The following RASAL1 variants were observed in gnomAD, a reference collection of about 807,000 sequenced individuals.
RASAL1 encodes rasGAP-activating-like protein 1.
Under a neutral mutation model 96.6 loss-of-function variants are expected in RASAL1, and 72 were observed. That is an observed-to-expected ratio of 0.75 (90% CI 0.62 to 0.91). The LOEUF (loss-of-function observed/expected upper bound fraction) is 0.91. Among genes scored for constraint, RASAL1 ranks in the 40% least tolerant of loss-of-function variants. RASAL1 has a pLI of 0.00. For synonymous variants in RASAL1, 405 were observed against 430.4 expected, an observed-to-expected ratio of 0.94 and a Z score of 0.73; for missense variants, 1,016 against 1,072.5, an observed-to-expected ratio of 0.95 and a Z score of 0.74.
At chr12:113,126,688 T>TCTCACACA (rs372157451) in intron 4 of RASAL1, among the ~76,000 whole-genome samples, 13 of 139,014 alleles carry the variant, frequency 9.4e-5, no homozygotes, top group East Asian at 4.1e-4. Context: ...TCTCTCTCTC[T>TCTCACACA]CACACACACA....
rs945121175 is a variant in RASAL1, at chr12:113,115,184, G to A, written c.1068+16C>T. On this transcript the variant is annotated intron_variant, in intron 11 of 20. Transcript: ENST00000548055. This position sits in a 1 kb window ranked among gnomAD's most constrained non-coding sequence, Gnocchi z 4.1. ...GAGGAAGCTGCGCCTGGTCCCGCAGGCCTTCACCTACTCACCTTCATAAAC... is the reference window on the plus strand; with the variant it reads ...GAGGAAGCTGCGCCTGGTCCCGCAGACCTTCACCTACTCACCTTCATAAAC... 1.2e-6 allele frequency: 2 copies of A among 1,607,578 alleles called. No homozygotes were observed. The highest frequency in any genetic ancestry group is 1.3e-5 in the African/African-American group (1 of 74,854).
chr12:113,115,641 G>C lies in RASAL1; in HGVS notation c.997C>G (p.Arg333Gly). ...GGTTGTGCGGGCAACTCACTGGTCCGAGCCACCTCACGCCGGGTGAGATAG... is the reference window on the plus strand; with the variant it reads ...GGTTGTGCGGGCAACTCACTGGTCCCAGCCACCTCACGCCGGGTGAGATAG... The part of the protein sequence containing the change: ...LDYLTRREVA[R>G]TMDPNTLFRS... The change falls in exon 10 of 21, where the codon CGG (arginine) becomes GGG (glycine). Residue 333 changes from arginine to glycine, a missense_variant. Coordinates refer to ENST00000548055, the MANE Select transcript of RASAL1 (RefSeq NM_001301202.2). The surrounding 1 kb of genome is among the most constrained non-coding windows in gnomAD (Gnocchi z 4.1). 1.2e-6 allele frequency: 2 copies of C among 1,613,104 alleles called. No individual in the cohort carries two copies. Among genetic ancestry groups the C allele is most frequent in the Non-Finnish European group, 1.7e-6 (2 of 1,179,946 alleles).
In RASAL1 at chr12:113,135,576, G is replaced by A. The variant is rs1241410346; in HGVS notation, c.-114C>T. Reference sequence around the variant, plus strand: ...TGGCTCCCTGCCTCGTGGTCCCAGTGCCGCCTGTCCGAGACCCGGGTAGCT... The same window carrying A: ...TGGCTCCCTGCCTCGTGGTCCCAGTACCGCCTGTCCGAGACCCGGGTAGCT... On this transcript the variant is annotated 5_prime_UTR_variant, in exon 1 of 21. Transcript: ENST00000548055. The surrounding 1 kb of genome is among the most constrained non-coding windows in gnomAD (Gnocchi z 5.7). 3.3e-6 allele frequency: 3 copies of A among 902,480 alleles called. No individual in the cohort carries two copies. The Admixed American group carries it at 6.8e-5, about 21-fold the overall frequency. 55.9% of individuals were successfully genotyped at this position (902,480 alleles called of 1,614,324 possible).
Position 113,115,596 on chromosome 12 carries a change from T to C in RASAL1, c.1003+39A>G. 1 of 1,603,266 alleles carries C rather than the reference T, an allele frequency of 6.2e-7. No homozygotes were observed. Among genetic ancestry groups the C allele is most frequent in the Non-Finnish European group, 8.5e-7 (1 of 1,174,218 alleles). ...CCAGGACCCTCCTGCAAGCCCACCA[T>C]TGAGGGCGGTGATGTCGGGGGTTGT... is the stretch of plus-strand genomic sequence containing the variant. On this transcript the variant is annotated intron_variant, in intron 10 of 20. Transcript: ENST00000548055. This position sits in a 1 kb window ranked among gnomAD's most constrained non-coding sequence, Gnocchi z 4.1.
At chr12:113,112,954 AAAAT>A (rs3038168) in intron 12 of RASAL1, among the ~76,000 whole-genome samples, 2 of 149,498 alleles carry the variant, frequency 1.3e-5, no homozygotes, top group African/African-American at 2.5e-5. Flanking sequence ...TCCATCTCAA[AAAAT>A]AAATAAATAA....
Position 113,118,822 on chromosome 12 carries a change from G to A in RASAL1, c.642+306C>T, listed in dbSNP as rs1386009009. On this transcript the variant is annotated intron_variant, in intron 7 of 20. Coordinates refer to ENST00000548055, the MANE Select transcript of RASAL1 (RefSeq NM_001301202.2). ...AGGGTAGCCATGAAGGTTAAGTAATGAGGCTCTGTGGGAGGGACACTCAGC... is the reference window on the plus strand; with the variant it reads ...AGGGTAGCCATGAAGGTTAAGTAATAAGGCTCTGTGGGAGGGACACTCAGC... Among the ~76,000 whole-genome samples, 3 of 152,182 alleles carry A rather than the reference G, an allele frequency of 2.0e-5. No homozygotes were observed. The East Asian group carries it at 5.8e-4, about 29-fold the overall frequency.
rs370426676 is a variant in RASAL1, at chr12:113,108,828, T to C, written c.1375-606A>G. Among the ~76,000 whole-genome samples, 904 of 120,814 alleles carry C rather than the reference T, an allele frequency of 7.5e-3. 5 individuals are homozygous for C. The highest frequency in any genetic ancestry group is 0.027 in the African/African-American group (865 of 32,452). The allele number at this position is 120,814 out of a possible 152,430, so 79.3% of individuals were successfully genotyped here. Reference sequence around the variant, plus strand: ...GCAGGATTTGATTATTTTTCTTTTTTTTTTCTTTCTTTTTTTTTTTTTTTG... The same window carrying C: ...GCAGGATTTGATTATTTTTCTTTTTCTTTTCTTTCTTTTTTTTTTTTTTTG... On this transcript the variant is annotated intron_variant, in intron 13 of 20. Coordinates refer to ENST00000548055, the MANE Select transcript of RASAL1 (RefSeq NM_001301202.2).
At chr12:113,104,413 A>G (rs1592886251) in intron 16 of RASAL1, 115 bp from the exon 17 acceptor site, 3 of 1,046,256 alleles carry the variant, frequency 2.9e-6, no homozygotes, top group South Asian at 1.6e-5. Context: ...GGGACATTCA[A>G]CCCTGTAAGT....
chr12:113,130,977 G>A lies in RASAL1; in HGVS notation c.66-36C>T. On this transcript the variant is annotated intron_variant, in intron 1 of 20. Transcript: ENST00000548055. The surrounding 1 kb of genome is among the most constrained non-coding windows in gnomAD (Gnocchi z 5.1). ...AGGGAGTTCAGGGAGGAAGCAGGTT[G>A]AGAGGGCAGCCATGAGTGGAGGGTC... The A allele has an allele frequency of 1.3e-6, 2 of 1,571,198 alleles. No individual in the cohort carries two copies. The highest frequency in any genetic ancestry group is 1.7e-6 in the Non-Finnish European group (2 of 1,143,666).
intron 13 of RASAL1, among the ~76,000 whole-genome samples, chr12:113,111,198 T>C (rs547325662): frequency 1.6e-4 from 24 of 152,202 alleles, no homozygotes; most frequent in Non-Finnish European, 1.2e-4. Flanking sequence ...GGGATTCATT[T>C]TTAGACTTTA....
At chr12:113,118,996 TA>T in intron 7 of RASAL1, 131 bp downstream of exon 7, 1 of 1,189,296 alleles carries the variant, frequency 8.4e-7, no homozygotes, top group Non-Finnish European at 1.2e-6. Context: ...CACTCAGGCC[TA>T]ACCAGGGGAA....
At chr12:113,111,169 G>T (rs1254984593) in intron 13 of RASAL1, among the ~76,000 whole-genome samples, 1 of 152,140 alleles carries the variant, frequency 6.6e-6, no homozygotes, top group East Asian at 1.9e-4. Context: ...ATCCATGTTG[G>T]TATAGCACTA....
Position 113,107,260 on chromosome 12 carries a change from G to A in RASAL1, c.1513-19C>T. On this transcript the variant is annotated intron_variant, in intron 14 of 20. Transcript: ENST00000548055. Reference sequence around the variant, plus strand: ...GCACAGCCTGGAGCAAAGAAGCGAGGGATGCCGGGGCCAAGGTCACAGCAG... The same window carrying A: ...GCACAGCCTGGAGCAAAGAAGCGAGAGATGCCGGGGCCAAGGTCACAGCAG... 1 of 1,573,348 alleles carries A rather than the reference G, an allele frequency of 6.4e-7. No individual in the cohort carries two copies.
intron 13 of RASAL1, 147 bp downstream of exon 13, chr12:113,111,939 G>T: frequency 1.5e-6 from 1 of 687,344 alleles, no homozygotes; most frequent in Non-Finnish European, 2.0e-6. Flanking sequence ...CCCGGACCCT[G>T]CCAGGAACGC....
chr12:113,115,212 T>G lies in RASAL1; in HGVS notation c.1056A>C (p.Glu352Asp). The G allele has an allele frequency of 6.2e-7, 1 of 1,613,612 alleles. No homozygotes were observed. Among genetic ancestry groups the G allele is most frequent in the South Asian group, 1.1e-5 (1 of 91,062 alleles). ...TTCACCTACTCACCTTCATAAACTG[T>G]TCCATCGACTTGGATGCCAGGGAGT... is the stretch of plus-strand genomic sequence containing the variant. ...RSNSLASKSM[E>D]QFMKLVGMPY... is the part of the protein sequence containing the mutation. Residue 352 changes from glutamate to aspartate, a missense_variant, in exon 11 of 21, where the codon GAA (glutamate) becomes GAC (aspartate). Coordinates refer to ENST00000548055, the MANE Select transcript of RASAL1 (RefSeq NM_001301202.2). This position sits in a 1 kb window ranked among gnomAD's most constrained non-coding sequence, Gnocchi z 4.1.
intron 5 of RASAL1, 25 bp downstream of exon 5, chr12:113,121,484 C>T (rs1395670028): frequency 6.2e-7 from 1 of 1,613,584 alleles, no homozygotes; most frequent in Non-Finnish European, 8.5e-7. Context: ...GACCACCCTC[C>T]ACACCACCTC....
chr12:113,109,676 G>A (rs922013110), intron 13 of RASAL1, among the ~76,000 whole-genome samples: 8 of 152,178 alleles, frequency 5.3e-5, no homozygotes, highest in Non-Finnish European at 5.9e-5. Flanking sequence ...TGCCCTCCCC[G>A]GGGCGTGTGC....
intron 16 of RASAL1, 141 bp from the exon 17 acceptor site, chr12:113,104,439 T>G (rs1027172288): frequency 9.3e-6 from 7 of 755,054 alleles, no homozygotes; most frequent in African/African-American, 8.7e-5. Flanking sequence ...CTCTGTGTGC[T>G]CGTCCATCCA....
In RASAL1 at chr12:113,135,665, T is replaced by A. The variant is rs1951887660; in HGVS notation, c.-203A>T. On this transcript the variant is annotated 5_prime_UTR_variant, in exon 1 of 21. Coordinates refer to ENST00000548055, the MANE Select transcript of RASAL1 (RefSeq NM_001301202.2). The surrounding 1 kb of genome is among the most constrained non-coding windows in gnomAD (Gnocchi z 5.7). ...CCGGGGAGGGAGCGCCCGTCCGGAC[T>A]CTACAGGTAGGAGCCGTGCTCCGAG... 5.5e-6 allele frequency: 3 copies of A among 549,482 alleles called. No homozygotes were observed. The highest frequency in any genetic ancestry group is 6.1e-5 in the Admixed American group (2 of 32,576). 34.0% of individuals were successfully genotyped at this position (549,482 alleles called of 1,614,324 possible).
Sources: allele counts gnomAD v4.1 joint callset (sites outside exome capture counted in the v4.1 genomes callset), GRCh38; gene constraint gnomAD v4.1.1; non-coding constraint Gnocchi (gnomAD v3.1); transcripts MANE v1.5; gene names NCBI Gene and HGNC (gene_info 2026-07-23, HGNC 2026-07-21).